The following UBTD1 variants were observed in gnomAD, a reference collection of about 807,000 sequenced individuals.
UBTD1 encodes the protein ubiquitin domain containing 1.
UBTD1 carries 19 observed loss-of-function variants against 21.7 expected under a neutral mutation model. That is an observed-to-expected ratio of 0.87 (90% CI 0.61 to 1.28). The LOEUF (loss-of-function observed/expected upper bound fraction) is 1.28. UBTD1 is among the 50% of genes most tolerant of loss of function. The pLI, the probability that UBTD1 is intolerant of heterozygous loss-of-function variation, is 0.00. For synonymous variants in UBTD1, 116 were observed against 135.1 expected (o/e 0.86, Z 0.98); for missense variants, 282 against 315.1 (o/e 0.89, Z 0.80).
chr10:97,557,220 TACTGGC>T (rs1263999335), intron 1 of UBTD1, among the ~76,000 whole-genome samples: 13 of 152,386 alleles, frequency 8.5e-5, no homozygotes, highest in Non-Finnish European at 1.3e-4. Flanking sequence ...GAATCTCAAG[TACTGGC>T]ACATTTAGTT....
chr10:97,541,036 T>C (rs1243764715), intron 1 of UBTD1, among the ~76,000 whole-genome samples: 1 of 151,940 alleles, frequency 6.6e-6, no homozygotes, highest in African/African-American at 2.4e-5. Context: ...CATGACGGGG[T>C]CTGGAACAGG....
At chr10:97,532,810 G>GAAAGAAAT (rs1408664766) in intron 1 of UBTD1, among the ~76,000 whole-genome samples, 2 of 143,124 alleles carry the variant, frequency 1.4e-5, no homozygotes, top group Non-Finnish European at 3.0e-5. Context: ...AAGAAAGAAA[G>GAAAGAAAT]AAAGAAAGAA....
chr10:97,529,389 G>T (rs2135669164), intron 1 of UBTD1, among the ~76,000 whole-genome samples: 1 of 152,368 alleles, frequency 6.6e-6, no homozygotes, highest in East Asian at 1.9e-4. Context: ...TGCAATCTCG[G>T]CACTTTGGGG....
At chr10:97,516,921 C>A (rs2040447198) in intron 1 of UBTD1, among the ~76,000 whole-genome samples, 1 of 152,060 alleles carries the variant, frequency 6.6e-6, no homozygotes, top group Non-Finnish European at 1.5e-5. Flanking sequence ...AGAGGTGGGG[C>A]CTGATGGCAC....
Position 97,499,151 on chromosome 10 carries a change from G to C in UBTD1, c.-53G>C. 1.3e-6 allele frequency: 2 copies of C among 1,494,092 alleles called. No homozygotes were observed. 92.6% of individuals were successfully genotyped at this position (1,494,092 alleles called of 1,614,324 possible). ...GACCCGGGACGCCGCCGTCCGCTGA[G>C]CAGCCGACCACCCCGCCGCCTCCGG... is the stretch of plus-strand genomic sequence containing the variant. On this transcript the variant is annotated 5_prime_UTR_variant, in exon 1 of 3. Transcript: ENST00000370664.
At chr10:97,502,826 T>C (rs1307140366) in intron 1 of UBTD1, among the ~76,000 whole-genome samples, 4 of 149,788 alleles carry the variant, frequency 2.7e-5, no homozygotes, top group Non-Finnish European at 5.9e-5. Context: ...CTCATATGTG[T>C]GTGTGTGCGT....
intron 1 of UBTD1, among the ~76,000 whole-genome samples, chr10:97,532,665 C>T (rs560341306): frequency 4.6e-5 from 7 of 152,288 alleles, no homozygotes; most frequent in Admixed American, 4.6e-4. Flanking sequence ...TGGCGGGCAC[C>T]TGTAGTCCCA....
intron 1 of UBTD1, among the ~76,000 whole-genome samples, chr10:97,506,254 C>A (rs1564734527): frequency 1.3e-5 from 2 of 152,170 alleles, no homozygotes; most frequent in Non-Finnish European, 2.9e-5. Flanking sequence ...GCTCTTAAAT[C>A]CTGTTCAAGG....
intron 1 of UBTD1, among the ~76,000 whole-genome samples, chr10:97,502,136 T>G (rs186498427): frequency 6.6e-6 from 1 of 152,308 alleles, no homozygotes; most frequent in African/African-American, 2.4e-5. Context: ...TTTGTTGATT[T>G]TAGAAAGCAA....
intron 1 of UBTD1, among the ~76,000 whole-genome samples, chr10:97,558,973 C>T (rs1188562739): frequency 6.6e-6 from 1 of 152,082 alleles, no homozygotes; most frequent in Non-Finnish European, 1.5e-5. Flanking sequence ...AGCAGAGTGC[C>T]CAGTAAAGGT....
rs866431011 is a variant in UBTD1, at chr10:97,499,145, C to T, written c.-59C>T. The T allele has an allele frequency of 6.7e-7, 1 of 1,483,452 alleles. No homozygotes were observed. The highest frequency in any genetic ancestry group is 9.0e-7 in the Non-Finnish European group (1 of 1,110,120). The allele number at this position is 1,483,452 out of a possible 1,614,324, so 91.9% of individuals were successfully genotyped here. On this transcript the variant is annotated 5_prime_UTR_variant, in exon 1 of 3. Coordinates refer to ENST00000370664, the MANE Select transcript of UBTD1 (RefSeq NM_024954.5). ...GCCATTGACCCGGGACGCCGCCGTC[C>T]GCTGAGCAGCCGACCACCCCGCCGC...
chr10:97,502,310 A>G (rs969739748), intron 1 of UBTD1, among the ~76,000 whole-genome samples: 6 of 152,150 alleles, frequency 3.9e-5, no homozygotes, highest in African/African-American at 1.4e-4. Flanking sequence ...GGTACAAGGG[A>G]AGGAATCCTT....
At chr10:97,508,904 C>T (rs539218488) in intron 1 of UBTD1, among the ~76,000 whole-genome samples, 1 of 152,296 alleles carries the variant, frequency 6.6e-6, no homozygotes, top group East Asian at 1.9e-4. Flanking sequence ...GTTTCCTCCT[C>T]CTTCTCCCAG....
Position 97,545,389 on chromosome 10 carries a change from T to TGG in UBTD1, c.71-22524_71-22523insGG, listed in dbSNP as rs150730126. 6.0e-4 allele frequency among the ~76,000 whole-genome samples: 66 copies of TGG among 109,130 alleles called. 1 individual carries two copies. Among genetic ancestry groups the TGG allele is most frequent in the East Asian group, 4.9e-4 (2 of 4,116 alleles). The allele number at this position is 109,130 out of a possible 152,430, so 71.6% of individuals were successfully genotyped here. A position where few individuals can be genotyped will look rare whatever the true frequency, so the allele number is the denominator to read the frequency against. On this transcript the variant is annotated intron_variant, in intron 1 of 2. Coordinates refer to ENST00000370664, the MANE Select transcript of UBTD1 (RefSeq NM_024954.5). ...TATTCTCTGGTAAGTATGGGGCTCG[T>TGG]GTGTGTGTGTGTGTGTGTGTGGGTG...
At chr10:97,544,632 G>A (rs1349064099) in intron 1 of UBTD1, among the ~76,000 whole-genome samples, 1 of 152,058 alleles carries the variant, frequency 6.6e-6, no homozygotes, top group Non-Finnish European at 1.5e-5. Flanking sequence ...CACATATTTT[G>A]TATATTATGT....
intron 1 of UBTD1, among the ~76,000 whole-genome samples, chr10:97,553,940 G>T (rs1217254031): frequency 6.6e-6 from 1 of 152,184 alleles, no homozygotes; most frequent in Non-Finnish European, 1.5e-5. Context: ...AGAAGTGACT[G>T]CTAGCAAAGC....
At chr10:97,535,134 T>C (rs2040553903) in intron 1 of UBTD1, among the ~76,000 whole-genome samples, 1 of 152,198 alleles carries the variant, frequency 6.6e-6, no homozygotes, top group African/African-American at 2.4e-5. Flanking sequence ...TCACCTCCTC[T>C]GTCTCATGGC....
intron 1 of UBTD1, among the ~76,000 whole-genome samples, chr10:97,529,472 C>T (rs1368299982): frequency 6.6e-6 from 1 of 152,212 alleles, no homozygotes; most frequent in South Asian, 2.1e-4. Context: ...AGCCTGGGCA[C>T]CATTGAGCAC....
chr10:97,537,820 CTTTTTTTTTTTT>C (rs57859135), intron 1 of UBTD1, among the ~76,000 whole-genome samples: 1 of 119,498 alleles, frequency 8.4e-6, no homozygotes, highest in African/African-American at 3.2e-5. Flanking sequence ...CAGGCTTTCT[CTTTTTTTTTTTT>C]TTTTTTTTTT....
Sources: allele counts gnomAD v4.1 joint callset (sites outside exome capture counted in the v4.1 genomes callset), GRCh38; gene constraint gnomAD v4.1.1; transcripts MANE v1.5; gene names NCBI Gene and HGNC (gene_info 2026-07-23, HGNC 2026-07-21).